The following EDC3 variants were observed in gnomAD, a reference collection of about 807,000 sequenced individuals.
EDC3 encodes the protein enhancer of mRNA decapping 3, also known as enhancer of mRNA-decapping protein 3.
EDC3 carries 20 observed loss-of-function variants against 41.8 expected under a neutral mutation model. That is an observed-to-expected ratio of 0.48 (90% CI 0.34 to 0.70). EDC3 has a LOEUF of 0.70. Ranked by LOEUF, EDC3 falls within the 30% of genes least tolerant of loss-of-function variation. EDC3 has a pLI of 0.01. For missense variants in EDC3, 444 were observed against 636.8 expected (o/e 0.70, Z 3.26); for synonymous variants, 206 against 243.2 (o/e 0.85, Z 1.42).
chr15:74,694,600 C>T (rs2063044627), intron 1 of EDC3, among the ~76,000 whole-genome samples: 1 of 152,232 alleles, frequency 6.6e-6, no homozygotes, highest in Non-Finnish European at 1.5e-5. Flanking sequence ...GCCACAGTGC[C>T]CGGCCTTAAT....
intron 1 of EDC3, among the ~76,000 whole-genome samples, chr15:74,693,815 C>A (rs1360049967): frequency 6.6e-6 from 1 of 152,112 alleles, no homozygotes; most frequent in Non-Finnish European, 1.5e-5. Context: ...GAAACCCCAT[C>A]TCTACTGAAA....
intron 3 of EDC3, among the ~76,000 whole-genome samples, chr15:74,656,930 G>C (rs2062556347): frequency 6.6e-6 from 1 of 152,212 alleles, no homozygotes; most frequent in African/African-American, 2.4e-5. Context: ...AATTTGGCTG[G>C]AGACAGCCAG....
At chr15:74,692,068 C>T (rs1378340886) in intron 1 of EDC3, among the ~76,000 whole-genome samples, 2 of 152,182 alleles carry the variant, frequency 1.3e-5, no homozygotes, top group Non-Finnish European at 2.9e-5. Flanking sequence ...ATCCGCCTGC[C>T]TCAGTCTCCC....
intron 1 of EDC3, among the ~76,000 whole-genome samples, chr15:74,684,401 AG>A (rs1271458437): frequency 1.3e-5 from 2 of 149,790 alleles, no homozygotes; most frequent in Non-Finnish European, 3.0e-5. Flanking sequence ...CCTGAGTTCA[AG>A]CTATCTGCCT....
chr15:74,680,378 G>A (rs865991443), intron 1 of EDC3, among the ~76,000 whole-genome samples: 1 of 151,800 alleles, frequency 6.6e-6, no homozygotes, highest in South Asian at 2.1e-4. Flanking sequence ...CATATTAACA[G>A]GCTAAATAAG....
chr15:74,660,778 T>A (rs983036949), intron 3 of EDC3, among the ~76,000 whole-genome samples: 1 of 152,180 alleles, frequency 6.6e-6, no homozygotes, highest in Non-Finnish European at 1.5e-5. Flanking sequence ...CGGAATATTC[T>A]ATTTATTTTT....
In EDC3 at chr15:74,655,756, T is replaced by A. The variant is rs767052992; in HGVS notation, c.797A>T (p.Asn266Ile). 3 of 1,611,998 alleles carry A rather than the reference T, an allele frequency of 1.9e-6. No individual in the cohort carries two copies. The African/African-American group carries it at 4.0e-5, about 22-fold the overall frequency. The change falls in exon 4 of 7, where the codon AAC becomes ATC. Residue 266 changes from asparagine to isoleucine, a missense_variant. By Grantham distance (149) the Asn-to-Ile change is moderately radical. Around this residue, in one of 3 missense-constraint regions of EDC3, gnomAD observed 242 missense variants for 363.8 expected, o/e 0.67. Transcript: ENST00000315127. ...IVYRRIIVPH[N>I]VSKEFCTDSG... ...ACCCGTGCAGAACTCCTTGCTCACG[T>A]TGTGGGGCACTATGATCCGTCGATA...
At chr15:74,670,752 C>A (rs769833814) in intron 3 of EDC3, among the ~76,000 whole-genome samples, 2 of 152,128 alleles carry the variant, frequency 1.3e-5, no homozygotes, top group Non-Finnish European at 2.9e-5. Context: ...TTATAATCAG[C>A]AAATGGCATT....
intron 6 of EDC3, among the ~76,000 whole-genome samples, chr15:74,634,779 C>T (rs2062251234): frequency 6.6e-6 from 1 of 152,220 alleles, no homozygotes; most frequent in South Asian, 2.1e-4. Context: ...CTCCCATGAT[C>T]ACAACAGCAT....
intron 1 of EDC3, among the ~76,000 whole-genome samples, 152 bp from the exon 2 acceptor site, chr15:74,675,294 A>C (rs2062790419): frequency 6.6e-6 from 1 of 152,144 alleles, no homozygotes; most frequent in Admixed American, 6.5e-5. Flanking sequence ...AAAAAAATTA[A>C]AATTTTTTTT....
At chr15:74,646,044 TTTGTTG>T (rs757224888) in intron 4 of EDC3, among the ~76,000 whole-genome samples, 6 of 150,874 alleles carry the variant, frequency 4.0e-5, no homozygotes, top group Admixed American at 6.6e-5. Flanking sequence ...TCCCAGTCTT[TTTGTTG>T]TTGTTGTTGT....
At chr15:74,656,665 C>T (rs971174261) in intron 3 of EDC3, among the ~76,000 whole-genome samples, 8 of 152,108 alleles carry the variant, frequency 5.3e-5, no homozygotes, top group African/African-American at 1.4e-4. Flanking sequence ...GGGTCCCTGG[C>T]GAAGCCCCAC....
intron 6 of EDC3, among the ~76,000 whole-genome samples, chr15:74,633,802 C>T (rs1481356396): frequency 6.6e-6 from 1 of 152,184 alleles, no homozygotes; most frequent in South Asian, 2.1e-4. Flanking sequence ...GGGGAACCCA[C>T]ACCAGGCCCC....
rs1046670582 is a variant in EDC3 at position 74,655,660 on chromosome 15, C to A, written c.820+73G>T. 2.1e-6 allele frequency: 3 copies of A among 1,427,494 alleles called. No homozygotes were observed. In the Admixed American group the frequency reaches 7.0e-5, roughly 33 times the overall value. 88.4% of individuals were successfully genotyped at this position (1,427,494 alleles called of 1,614,324 possible). A position where few individuals can be genotyped will look rare whatever the true frequency, so the allele number is the denominator to read the frequency against. ...CTAGTGTGAGATTCTGACTCAGAAG[C>A]CAGGTCTTTCTGTTTCAAGCATAAT... On this transcript the variant is annotated intron_variant, in intron 4 of 6. Coordinates refer to ENST00000315127, the MANE Select transcript of EDC3 (RefSeq NM_025083.5).
Position 74,640,599 on chromosome 15 carries a change from T to C in EDC3, c.841A>G (p.Ser281Gly), listed in dbSNP as rs756827881. The change falls in exon 5 of 7, where the codon AGT becomes GGT. Residue 281 changes from serine to glycine, a missense_variant. By Grantham distance (56) the Ser-to-Gly change is moderately conservative. Around this residue, in one of 3 missense-constraint regions of EDC3, gnomAD observed 242 missense variants for 363.8 expected, o/e 0.67. Transcript: ENST00000315127. ...TTTTTATGCAGCTCATAGGAAATAC[T>C]TGGGACAACCAGGCCAGAGTCTGCA... The part of the protein sequence containing the change: ...FCTDSGLVVP[S>G]ISYELHKKLL... 8 of 1,614,202 alleles carry C rather than the reference T, an allele frequency of 5.0e-6. No individual in the cohort carries two copies. The Admixed American group carries it at 6.7e-5, about 13-fold the overall frequency.
At chr15:74,669,695 C>T (rs1011139510) in intron 3 of EDC3, among the ~76,000 whole-genome samples, 2 of 152,126 alleles carry the variant, frequency 1.3e-5, no homozygotes, top group East Asian at 1.9e-4. Flanking sequence ...ACAATGGTAG[C>T]AAGAAGTATC....
intron 2 of EDC3, 47 bp downstream of exon 2, chr15:74,674,914 C>T (rs1424101511): frequency 1.2e-6 from 2 of 1,609,536 alleles, no homozygotes; most frequent in Non-Finnish European, 1.7e-6. Flanking sequence ...GGTTCAAGCT[C>T]CACAGACCAC....
intron 4 of EDC3, among the ~76,000 whole-genome samples, chr15:74,652,026 G>C (rs2141607076): frequency 6.6e-6 from 1 of 152,254 alleles, no homozygotes; most frequent in Middle Eastern, 3.4e-3. Context: ...TTTGACTCCT[G>C]CTGCTGCCCA....
intron 4 of EDC3, among the ~76,000 whole-genome samples, chr15:74,646,344 A>T (rs1364673163): frequency 1.3e-5 from 2 of 152,234 alleles, no homozygotes; most frequent in Non-Finnish European, 1.5e-5. Flanking sequence ...AAGTGTTGGG[A>T]TTACGGGCGT....
Sources: gnomAD v4.1 joint callset for allele counts (sites outside exome capture counted in the v4.1 genomes callset) on GRCh38, gnomAD v4.1.1 for gene constraint, gnomAD v4.1.1 regional missense constraint, MANE v1.5 for transcripts, NCBI Gene and HGNC (gene_info 2026-07-23, HGNC 2026-07-21) for gene names.